DAAM1: variants seen among roughly 807,000 people sequenced by gnomAD.
DAAM1 encodes the protein disheveled-associated activator of morphogenesis 1.
A neutral mutation model predicts 130.0 loss-of-function variants in DAAM1; 52 were observed. The ratio of observed to expected loss-of-function variants is 0.40; its 90% CI spans 0.32 to 0.50. DAAM1 has a LOEUF of 0.50. Among genes scored for constraint, DAAM1 ranks in the 20% least tolerant of loss-of-function variants. The pLI is 0.61. For missense variants in DAAM1, 1,134 were observed against 1,303.8 expected (o/e 0.87, Z 2.01); for synonymous variants, 452 against 444.5 (o/e 1.02, Z -0.21).
intron 1 of DAAM1, among the ~76,000 whole-genome samples, chr14:59,227,937 G>C (rs375151485): frequency 1.3e-5 from 2 of 152,150 alleles, no homozygotes; most frequent in Non-Finnish European, 2.9e-5. Context: ...TTGTATCTCT[G>C]CCACACACCG....
At chr14:59,303,393 G>A (rs189385636) in intron 3 of DAAM1, among the ~76,000 whole-genome samples, 2 of 152,226 alleles carry the variant, frequency 1.3e-5, no homozygotes, top group East Asian at 3.9e-4. Flanking sequence ...GTCCCCTGAG[G>A]GACATACAAC....
intron 12 of DAAM1, among the ~76,000 whole-genome samples, chr14:59,328,031 T>C (rs944238474): frequency 6.6e-6 from 1 of 152,212 alleles, no homozygotes; most frequent in Non-Finnish European, 1.5e-5. Context: ...ACCATACTGG[T>C]TAACTGACTT....
chr14:59,361,417 G>A lies in DAAM1; in HGVS notation c.2694+555G>A, dbSNP rs562926048. Reference sequence around the variant, plus strand: ...GCATCCAGATAAGCAGAGTGATTACGGAGGTGCCTTAAGGAAGCAGCGGGT... The same window carrying A: ...GCATCCAGATAAGCAGAGTGATTACAGAGGTGCCTTAAGGAAGCAGCGGGT... On this transcript the variant is annotated intron_variant, in intron 22 of 24. Transcript: ENST00000360909. Among the ~76,000 whole-genome samples the A allele has an allele frequency of 1.5e-4, 23 of 152,280 alleles. No homozygotes were observed. The East Asian group carries it at 1.5e-3, about 10-fold the overall frequency.
rs144886720 is a variant in DAAM1 at position 59,355,270 on chromosome 14, A to G, written c.2462A>G (p.Asn821Ser). ...TATATGAATAAAGGTCAAAGAGGGA[A>G]TGCATATGGATTCAAGATATCTAGC... is the stretch of plus-strand genomic sequence containing the variant. ...GNYMNKGQRG[N>S]AYGFKISSLN... Residue 821 changes from asparagine to serine, a missense_variant, in exon 20 of 25, where the codon AAT becomes AGT. By Grantham distance (46) the Asn-to-Ser change is conservative. This residue lies in a region of DAAM1 where 644 missense variants were observed against 695.9 expected (regional missense o/e 0.93). Coordinates refer to ENST00000360909, the MANE Select transcript of DAAM1 (RefSeq NM_001270520.2). 4.0e-5 allele frequency: 64 copies of G among 1,614,116 alleles called. No homozygotes were observed. In the East Asian group the frequency reaches 1.3e-3, roughly 33 times the overall value.
intron 19 of DAAM1, among the ~76,000 whole-genome samples, chr14:59,354,943 T>C (rs539851718): frequency 4.6e-5 from 7 of 152,332 alleles, no homozygotes; most frequent in Admixed American, 2.0e-4. Context: ...ATTTTGCAGC[T>C]GTCTATGGGT....
At position 59,368,890 on chromosome 14, in the gene DAAM1, C is replaced by CATTAGCAGCCCTCTA. The variant is rs777057259; in HGVS notation, c.*33_*47dup. The CATTAGCAGCCCTCTA allele has an allele frequency of 3.8e-6, 6 of 1,599,564 alleles. No individual in the cohort carries two copies. The highest frequency in any genetic ancestry group is 5.1e-6 in the Non-Finnish European group (6 of 1,170,500). On this transcript the variant is annotated 3_prime_UTR_variant, in exon 25 of 25. Transcript: ENST00000360909. ...CATGAATACTTTTTTTTAGAAAGCTCATTAGCAGCCCTCTAAAGTGACTAG... is the reference window on the plus strand; with the variant it reads ...CATGAATACTTTTTTTTAGAAAGCTCATTAGCAGCCCTCTAATTAGCAGCCCTCTAAAGTGACTAG...
chr14:59,357,227 A>G (rs1886517504), intron 20 of DAAM1: 1 of 152,228 alleles, frequency 6.6e-6, no homozygotes. Context: ...AATTAATTGA[A>G]ATGTCTGTCA....
intron 3 of DAAM1, among the ~76,000 whole-genome samples, chr14:59,312,544 A>T (rs1194123550): frequency 6.6e-6 from 1 of 152,210 alleles, no homozygotes; most frequent in East Asian, 1.9e-4. Flanking sequence ...TCCCAGATAT[A>T]GCTGTGAATG....
In DAAM1 at chr14:59,192,047, G is replaced by A. The variant is rs371254340; in HGVS notation, c.-38+3279G>A. ...GGTGTGATAATGAAGAGGGTGTGGT[G>A]GGTCACATCCTTGGGTGGTGCTTAC... On this transcript the variant is annotated intron_variant, in intron 1 of 24. Transcript: ENST00000360909. 9.2e-5 allele frequency among the ~76,000 whole-genome samples: 14 copies of A among 152,194 alleles called. No individual in the cohort carries two copies. In the South Asian group the frequency reaches 2.9e-3, roughly 32 times the overall value.
At position 59,359,477 on chromosome 14, in the gene DAAM1, G is replaced by C; in HGVS notation, c.2606G>C (p.Arg869Pro). Residue 869 changes from arginine (R) to proline (P), a missense_variant, in exon 21 of 25, where the codon CGA (arginine) becomes CCA (proline). By Grantham distance (103) the Arg-to-Pro change is moderately radical. This residue lies in a region of DAAM1 where 644 missense variants were observed against 695.9 expected (regional missense o/e 0.93). Transcript: ENST00000360909. ...PSVLNLNEELRDIPQAAKVNM... is the reference protein window; with the variant it reads ...PSVLNLNEELPDIPQAAKVNM... ...GTTCTCAATCTAAATGAAGAATTGC[G>C]AGATATTCCTCAAGCTGCGAAAGTA... The C allele has an allele frequency of 6.2e-7, 1 of 1,613,658 alleles. No homozygotes were observed. The highest frequency in any genetic ancestry group is 8.5e-7 in the Non-Finnish European group (1 of 1,179,714).
intron 14 of DAAM1, 79 bp downstream of exon 14, chr14:59,331,587 C>T (rs1885444598): frequency 1.3e-6 from 2 of 1,513,152 alleles, no homozygotes; most frequent in South Asian, 1.4e-5. Flanking sequence ...GGAAAACAGC[C>T]CTGGCTGTTA....
Position 59,315,748 on chromosome 14 carries a change from C to T in DAAM1, c.345+397C>T, listed in dbSNP as rs376118647. 4.3e-4 allele frequency among the ~76,000 whole-genome samples: 66 copies of T among 152,302 alleles called. 3 individuals carry two copies. Among genetic ancestry groups the T allele is most frequent in the East Asian group, 2.1e-3 (11 of 5,190 alleles). ...TAAGCGATTTCTTTACTATATCCCT[C>T]CCATTCTCTTTCTTACTGAGAACTT... On this transcript the variant is annotated intron_variant, in intron 4 of 24. Transcript: ENST00000360909.
chr14:59,278,299 C>T (rs887034221), intron 2 of DAAM1, among the ~76,000 whole-genome samples: 3 of 152,012 alleles, frequency 2.0e-5, no homozygotes, highest in African/African-American at 7.2e-5. Flanking sequence ...GAACCTGGCT[C>T]ATGGAACCAT....
Position 59,325,717 on chromosome 14 carries a change from A to G in DAAM1, c.1043A>G (p.Lys348Arg), listed in dbSNP as rs776393226. ...AATGAAGATGAACTAGAATTTGCCA[A>G]AAGATTTGAACTGGTACGTATGCTT... ...LRNEDELEFAKRFELVHIDTK... is the reference protein window; with the variant it reads ...LRNEDELEFARRFELVHIDTK... Residue 348 changes from lysine (K) to arginine (R), a missense_variant, in exon 9 of 25, where the codon AAA (lysine) becomes AGA (arginine). By Grantham distance (26) the Lys-to-Arg change is conservative. This residue lies in a region of DAAM1 where 391 missense variants were observed against 521.6 expected (regional missense o/e 0.75). Transcript: ENST00000360909. The G allele has an allele frequency of 6.2e-7, 1 of 1,614,088 alleles. No individual in the cohort carries two copies. The highest frequency in any genetic ancestry group is 1.1e-5 in the South Asian group (1 of 91,084).
At chr14:59,294,093 T>C (rs1002041064) in intron 3 of DAAM1, among the ~76,000 whole-genome samples, 2 of 152,174 alleles carry the variant, frequency 1.3e-5, no homozygotes, top group African/African-American at 4.8e-5. Context: ...ACAGACATTC[T>C]CACACATAGT....
intron 1 of DAAM1, among the ~76,000 whole-genome samples, chr14:59,221,498 T>C (rs140703926): frequency 2.4e-4 from 36 of 152,358 alleles, no homozygotes; most frequent in South Asian, 6.2e-4. Context: ...ATTCTTTATC[T>C]GGTCGGGTGG....
chr14:59,193,034 C>T (rs1887778427), intron 1 of DAAM1, among the ~76,000 whole-genome samples: 3 of 152,054 alleles, frequency 2.0e-5, no homozygotes, highest in African/African-American at 4.8e-5. Flanking sequence ...GCCTGGACTA[C>T]AGAGCGAGAC....
chr14:59,235,922 C>T (rs898695259), intron 1 of DAAM1, among the ~76,000 whole-genome samples: 4 of 152,126 alleles, frequency 2.6e-5, no homozygotes, highest in African/African-American at 4.8e-5. Context: ...AGAGGTGGAG[C>T]GGAGACAGAC....
At chr14:59,189,603 G>A (rs191339102) in intron 1 of DAAM1, among the ~76,000 whole-genome samples, 8 of 152,314 alleles carry the variant, frequency 5.3e-5, no homozygotes, top group Non-Finnish European at 1.5e-5. Context: ...GCGCGGGGGT[G>A]GAGGTGTCGG....
Sources: gnomAD v4.1 joint callset for allele counts (sites outside exome capture counted in the v4.1 genomes callset) on GRCh38, gnomAD v4.1.1 for gene constraint, gnomAD v4.1.1 regional missense constraint, MANE v1.5 for transcripts, NCBI Gene and HGNC (gene_info 2026-07-23, HGNC 2026-07-21) for gene names.